EDAR: variants seen among roughly 807,000 people sequenced by gnomAD.
EDAR encodes ectodysplasin A receptor, also known as tumor necrosis factor receptor superfamily member EDAR.
EDAR carries 38 observed loss-of-function variants against 51.3 expected under a neutral mutation model. That is an observed-to-expected ratio of 0.74 (90% CI 0.57 to 0.97). The LOEUF (loss-of-function observed/expected upper bound fraction) is 0.97. EDAR is among the 50% of genes least tolerant of loss of function. The probability of loss-of-function intolerance (pLI) is 0.00; values close to 1 mark genes in which losing one functional copy is unlikely to be tolerated. For missense variants in EDAR, 528 were observed against 595.0 expected, an observed-to-expected ratio of 0.89 and a Z score of 1.17; for synonymous variants, 227 against 242.1, an observed-to-expected ratio of 0.94 and a Z score of 0.58.
intron 5 of EDAR, among the ~76,000 whole-genome samples, chr2:108,914,408 A>G (rs1388492728): frequency 1.3e-5 from 2 of 152,226 alleles, no homozygotes; most frequent in Non-Finnish European, 2.9e-5. Context: ...ACATGTTTTT[A>G]CATGGTTGTG....
Position 108,908,070 on chromosome 2 carries a change from C to T in EDAR, c.804-51G>A, listed in dbSNP as rs1414433846. ...TAGCAGTGCCTGGGGGGGCTGCAGC[C>T]CTGACAAGTTCTCCTGTGGTGAACT... On this transcript the variant is annotated intron_variant, in intron 9 of 11. Transcript: ENST00000258443. The T allele has an allele frequency of 4.5e-6, 7 of 1,547,004 alleles. No individual in the cohort carries two copies. In the African/African-American group the frequency reaches 9.5e-5, roughly 21 times the overall value.
chr2:108,953,630 T>C (rs1697866247), intron 1 of EDAR, among the ~76,000 whole-genome samples: 2 of 152,146 alleles, frequency 1.3e-5, no homozygotes. Flanking sequence ...CACAACCAGA[T>C]GATTTTCTAG....
chr2:108,977,712 G>A (rs2104462139), intron 1 of EDAR, among the ~76,000 whole-genome samples: 1 of 152,222 alleles, frequency 6.6e-6, no homozygotes, highest in Admixed American at 6.5e-5. Flanking sequence ...ACAAAGCCCT[G>A]GAGATTCCTC....
rs926734868 is a variant in EDAR at position 108,927,506 on chromosome 2, G to A, written c.356+1692C>T. ...AAGCACGTGGTCTTCAGGCCATAGA[G>A]TCAGCCCTGGCCTTCGGGTACTGAT... On this transcript the variant is annotated intron_variant, in intron 4 of 11. Transcript: ENST00000258443. Among the ~76,000 whole-genome samples, 13 of 152,180 alleles carry A rather than the reference G, an allele frequency of 8.5e-5. No homozygotes were observed. In the South Asian group the frequency reaches 1.2e-3, roughly 15 times the overall value.
rs781366117 is a variant in EDAR at position 108,907,904 on chromosome 2, G to T, written c.919C>A (p.His307Asn). 6.2e-7 allele frequency: 1 copy of T among 1,613,664 alleles called. No homozygotes were observed. ...GTGGCAGACTTCTCCCTGGCCAGGT[G>T]AACCAGCGACAGCAGGCACAGCTCC... Reference protein sequence around the residue: ...SPELCLLSLVHLAREKSATSN... With the variant: ...SPELCLLSLVNLAREKSATSN... Residue 307 changes from histidine (H) to asparagine (N), a missense_variant, in exon 10 of 12, where the codon CAC becomes AAC. By Grantham distance (68) the His-to-Asn change is moderately conservative. Coordinates refer to ENST00000258443, the MANE Select transcript of EDAR (RefSeq NM_022336.4).
At chr2:108,930,023 A>G (rs1697333607) in intron 3 of EDAR, 97 bp downstream of exon 3, 1 of 1,435,218 alleles carries the variant, frequency 7.0e-7, no homozygotes. Context: ...ATACCCTGGC[A>G]TCCCCTCACA....
chr2:108,984,935 A>G (rs946094328), intron 1 of EDAR, among the ~76,000 whole-genome samples: 1 of 152,226 alleles, frequency 6.6e-6, no homozygotes, highest in African/African-American at 2.4e-5. Flanking sequence ...TTCTGTGCAA[A>G]CATGGGATTG....
intron 1 of EDAR, among the ~76,000 whole-genome samples, chr2:108,964,379 G>C (rs1183669926): frequency 6.6e-6 from 1 of 152,142 alleles, no homozygotes; most frequent in South Asian, 2.1e-4. Flanking sequence ...CTCCAAAGCA[G>C]TCCCACTAAC....
intron 1 of EDAR, among the ~76,000 whole-genome samples, chr2:108,954,413 C>T (rs996094862): frequency 9.2e-5 from 14 of 152,186 alleles, no homozygotes; most frequent in African/African-American, 3.4e-4. Flanking sequence ...CCCTCTCTCG[C>T]CCTGCAAACT....
At chr2:108,929,112 C>A in intron 4 of EDAR, 86 bp downstream of exon 4, 1 of 1,498,330 alleles carries the variant, frequency 6.7e-7, no homozygotes, top group African/African-American at 1.4e-5. Context: ...GTATCCATGA[C>A]CCCTGTTCCC....
chr2:108,972,775 G>A (rs1425879595), intron 1 of EDAR, among the ~76,000 whole-genome samples: 1 of 152,182 alleles, frequency 6.6e-6, no homozygotes, highest in Non-Finnish European at 1.5e-5. Flanking sequence ...AGACTCAGAA[G>A]GGGGTGAGGA....
At chr2:108,900,741 A>G (rs761527654) in intron 11 of EDAR, among the ~76,000 whole-genome samples, 2 of 152,226 alleles carry the variant, frequency 1.3e-5, no homozygotes, top group Non-Finnish European at 2.9e-5. Flanking sequence ...AAACTTCAAT[A>G]ACAAGAAGGC....
intron 1 of EDAR, among the ~76,000 whole-genome samples, chr2:108,947,540 T>C (rs965803495): frequency 6.6e-6 from 1 of 152,198 alleles, no homozygotes; most frequent in Non-Finnish European, 1.5e-5. Flanking sequence ...ATACATACTC[T>C]GAAATCTAGG....
rs754730854 is a variant in EDAR at position 108,897,097 on chromosome 2, T to C, written c.1157A>G (p.Asp386Gly). 1.2e-6 allele frequency: 2 copies of C among 1,614,046 alleles called. No individual in the cohort carries two copies. Among genetic ancestry groups the C allele is most frequent in the South Asian group, 2.2e-5 (2 of 91,056 alleles). ...GCCGTCTGTCATGCCCCCAATCTCA[T>C]CCCTCTTCAGGCCGAAGCTCTCGGC... The part of the protein sequence containing the change: ...HLAESFGLKR[D>G]EIGGMTDGMQ... The change falls in exon 12 of 12, where the codon GAT becomes GGT. Residue 386 changes from aspartate to glycine, a missense_variant. Physicochemically the swap from Asp to Gly is moderately conservative, Grantham distance 94 (BLOSUM62 -1). Transcript: ENST00000258443.
chr2:108,962,844 G>A (rs976558503), intron 1 of EDAR, among the ~76,000 whole-genome samples: 2 of 152,062 alleles, frequency 1.3e-5, no homozygotes, highest in Non-Finnish European at 2.9e-5. Context: ...TGAATTAAAA[G>A]CACAAATCCA....
intron 5 of EDAR, among the ~76,000 whole-genome samples, chr2:108,914,288 A>G (rs1269672415): frequency 6.6e-6 from 1 of 152,036 alleles, no homozygotes; most frequent in Non-Finnish European, 1.5e-5. Context: ...AAATAAAATA[A>G]AAATAAAAAT....
chr2:108,939,012 T>C (rs1558820841), intron 1 of EDAR, among the ~76,000 whole-genome samples: 1 of 152,044 alleles, frequency 6.6e-6, no homozygotes, highest in Non-Finnish European at 1.5e-5. Flanking sequence ...ACTCCTGACC[T>C]CATGATCTGC....
chr2:108,983,578 C>T (rs1402974211), intron 1 of EDAR, among the ~76,000 whole-genome samples: 2 of 152,204 alleles, frequency 1.3e-5, no homozygotes, highest in African/African-American at 2.4e-5. Flanking sequence ...GCTCCTCCCT[C>T]GTGATCCATC....
At chr2:108,928,591 G>C (rs1183159441) in intron 4 of EDAR, among the ~76,000 whole-genome samples, 3 of 152,196 alleles carry the variant, frequency 2.0e-5, no homozygotes, top group Non-Finnish European at 4.4e-5. Flanking sequence ...TGGCCACTAG[G>C]GGGAGGAAGC....
Sources: allele counts gnomAD v4.1 joint callset (sites outside exome capture counted in the v4.1 genomes callset), GRCh38; gene constraint gnomAD v4.1.1; transcripts MANE v1.5; gene names NCBI Gene and HGNC (gene_info 2026-07-23, HGNC 2026-07-21).